The following PPP2R3B variants were observed in gnomAD, a reference collection of about 807,000 sequenced individuals.
The protein encoded by PPP2R3B is protein phosphatase 2 regulatory subunit B''beta.
Under a neutral mutation model 72.9 loss-of-function variants are expected in PPP2R3B, and 68 were observed. That is an observed-to-expected ratio of 0.93 (90% CI 0.77 to 1.14). The LOEUF is 1.14. PPP2R3B is among the 50% of genes most tolerant of loss of function. The pLI, the probability that PPP2R3B is intolerant of heterozygous loss-of-function variation, is 0.00. For synonymous variants in PPP2R3B, 466 were observed against 375.8 expected (o/e 1.24, Z -2.78); for missense variants, 1,018 against 842.0 (o/e 1.21, Z -2.59).
At chrX:372,433 G>A (rs898281665) in intron 1 of PPP2R3B, among the ~76,000 whole-genome samples, 123 of 152,284 alleles carry the variant, frequency 8.1e-4, no homozygotes, top group African/African-American at 2.9e-3. Context: ...TTTGAAAAGC[G>A]CGTCTGATGT....
intron 2 of PPP2R3B, among the ~76,000 whole-genome samples, chrX:352,032 G>A (rs1331171854): frequency 2.6e-5 from 4 of 152,164 alleles, no homozygotes; most frequent in Non-Finnish European, 4.4e-5. Context: ...AGAACTGAGC[G>A]GGAGAGTGCT....
intron 1 of PPP2R3B, among the ~76,000 whole-genome samples, chrX:370,137 T>TCGG (rs2071826027): frequency 1.3e-5 from 2 of 152,108 alleles, no homozygotes; most frequent in South Asian, 4.2e-4. Context: ...GTCAAAAAGG[T>TCGG]CGGTGTTTAC....
At chrX:367,082 G>A (rs1486053234) in intron 1 of PPP2R3B, among the ~76,000 whole-genome samples, 2 of 151,542 alleles carry the variant, frequency 1.3e-5, no homozygotes, top group Non-Finnish European at 2.9e-5. Context: ...AATTTACAGA[G>A]CATGCACCCC....
chrX:341,999 G>A (rs966307763), intron 7 of PPP2R3B, 68 bp from the exon 8 acceptor site: 185 of 1,586,560 alleles, frequency 1.2e-4, no homozygotes, highest in Non-Finnish European at 1.5e-4. Flanking sequence ...ACCCCCCGGA[G>A]CCGAGACTGG....
intron 7 of PPP2R3B, among the ~76,000 whole-genome samples, chrX:344,343 G>A (rs1162506729): frequency 6.6e-6 from 1 of 152,194 alleles, no homozygotes; most frequent in African/African-American, 2.4e-5. Context: ...TCACCAACGG[G>A]AGGCAGGAGT....
intron 7 of PPP2R3B, chrX:342,247 G>C (rs2071096686): frequency 5.6e-6 from 3 of 533,990 alleles, no homozygotes; most frequent in South Asian, 4.3e-5. Flanking sequence ...CCTCGAGTGT[G>C]ATCACGGAAA....
intron 1 of PPP2R3B, among the ~76,000 whole-genome samples, chrX:383,550 G>T (rs896531930): frequency 1.3e-4 from 20 of 152,006 alleles, no homozygotes; most frequent in Non-Finnish European, 2.5e-4. Context: ...AAAAATACAC[G>T]GCTGTCGGCG....
chrX:358,201 T>C (rs1382244065), intron 2 of PPP2R3B, among the ~76,000 whole-genome samples: 1 of 152,034 alleles, frequency 6.6e-6, no homozygotes, highest in Non-Finnish European at 1.5e-5. Context: ...GATGGAGACG[T>C]GGACGGACAT....
At chrX:346,631 C>G in intron 5 of PPP2R3B, 70 bp downstream of exon 5, 1 of 1,444,324 alleles carries the variant, frequency 6.9e-7, no homozygotes, top group Admixed American at 1.9e-5. Context: ...CCGCAGAAGC[C>G]CCGCGGCGGC....
intron 12 of PPP2R3B, chrX:338,106 GA>G (rs1358374264): frequency 8.3e-5 from 15 of 181,262 alleles, no homozygotes; most frequent in Middle Eastern, 2.5e-3. Context: ...CACAAACTGG[GA>G]AAAAGGCGAA....
In PPP2R3B at chrX:386,872, G is replaced by A. The variant is rs777147301; in HGVS notation, c.-181C>T. The A allele has an allele frequency of 9.1e-6, 2 of 219,774 alleles. No individual in the cohort carries two copies. Among genetic ancestry groups the A allele is most frequent in the East Asian group, 1.3e-4 (1 of 7,484 alleles). The allele number at this position is 219,774 out of a possible 1,614,324, so 13.6% of individuals were successfully genotyped here. On this transcript the variant is annotated 5_prime_UTR_variant, in exon 1 of 13. Transcript: ENST00000390665. ...TCGCGGGGCGCGGGGACCGAGGAGG[G>A]GGCGCGGTCCGGCCCGCGCTGCTCA...
intron 2 of PPP2R3B, among the ~76,000 whole-genome samples, chrX:349,120 T>C (rs2071279174): frequency 6.6e-6 from 1 of 152,136 alleles, no homozygotes; most frequent in South Asian, 2.1e-4. Context: ...CCTGAATGCC[T>C]GGGTCCCCAA....
intron 2 of PPP2R3B, among the ~76,000 whole-genome samples, chrX:350,197 C>A (rs1022635219): frequency 9.9e-5 from 15 of 152,100 alleles, no homozygotes; most frequent in African/African-American, 3.6e-4. Context: ...TGGGACAGAG[C>A]CCCGTGGAAT....
chrX:382,191 TTTTTC>T (rs1198107128), intron 1 of PPP2R3B, among the ~76,000 whole-genome samples: 5 of 140,330 alleles, frequency 3.6e-5, no homozygotes, highest in African/African-American at 1.1e-4. Context: ...CTCATCTTTT[TTTTTC>T]TTTTTTTTTT....
intron 1 of PPP2R3B, among the ~76,000 whole-genome samples, chrX:363,738 C>T (rs1311256459): frequency 6.6e-5 from 10 of 152,226 alleles, no homozygotes; most frequent in Non-Finnish European, 7.3e-5. Context: ...CCCGCAGCGG[C>T]GCCTTCCCGT....
chrX:334,440 T>G lies in PPP2R3B; in HGVS notation c.1655A>C (p.Glu552Ala), dbSNP rs2070832270. 1.9e-6 allele frequency: 3 copies of G among 1,595,814 alleles called. No individual in the cohort carries two copies. The highest frequency in any genetic ancestry group is 2.2e-5 in the South Asian group (2 of 89,924). Reference sequence around the variant, plus strand: ...CACGGCGCCCAGCGGTGAGGGCGCCTCGAAGAAGGGCCTCTGGGCCAGCGG... The same window carrying G: ...CACGGCGCCCAGCGGTGAGGGCGCCGCGAAGAAGGGCCTCTGGGCCAGCGG... The part of the protein sequence containing the change: ...RSPLAQRPFF[E>A]APSPLGAVDL... Residue 552 changes from glutamate to alanine, a missense_variant, in exon 13 of 13, where the codon GAG becomes GCG. Glu to Ala is a moderately radical substitution (Grantham distance 107). Coordinates refer to ENST00000390665, the MANE Select transcript of PPP2R3B (RefSeq NM_013239.5).
At chrX:342,057 C>T in intron 7 of PPP2R3B, 126 bp from the exon 8 acceptor site, 2 of 1,179,126 alleles carry the variant, frequency 1.7e-6, no homozygotes, top group East Asian at 2.3e-5. Context: ...TCTGGGAGAG[C>T]CCCGGGGCCC....
At chrX:363,769 C>A (rs1169784953) in intron 1 of PPP2R3B, among the ~76,000 whole-genome samples, 2 of 152,270 alleles carry the variant, frequency 1.3e-5, no homozygotes, top group African/African-American at 2.4e-5. Flanking sequence ...GGGGGTCCCA[C>A]TGTGGAGCCT....
intron 12 of PPP2R3B, chrX:337,168 C>T (rs2070912333): frequency 6.6e-6 from 1 of 152,068 alleles, no homozygotes; most frequent in South Asian, 2.1e-4. Context: ...GCAAGCTCCG[C>T]CTCCCAGATT....
Sources: allele counts gnomAD v4.1 joint callset (sites outside exome capture counted in the v4.1 genomes callset), GRCh38; gene constraint gnomAD v4.1.1; transcripts MANE v1.5; gene names NCBI Gene and HGNC (gene_info 2026-07-23, HGNC 2026-07-21).